RAB38: variants seen among roughly 807,000 people sequenced by gnomAD.
RAB38 encodes ras-related protein Rab-38.
A neutral mutation model predicts 18.4 loss-of-function variants in RAB38; 15 were observed. The ratio of observed to expected loss-of-function variants is 0.82; its 90% confidence interval spans 0.55 to 1.26. The LOEUF (loss-of-function observed/expected upper bound fraction) is 1.26. Ranked by LOEUF, RAB38 falls within the 50% of genes most tolerant of loss-of-function variation. The pLI is 0.00. For missense variants in RAB38, 294 were observed against 267.4 expected (o/e 1.10, Z -0.69); for synonymous variants, 101 against 104.4 (o/e 0.97, Z 0.20).
chr11:87,868,024 T>C, the RAB38 span, among the ~76,000 whole-genome samples: 4 of 151,754 alleles, frequency 2.6e-5, no homozygotes, highest in African/African-American at 7.2e-5. Context: ...TCAAGATTGA[T>C]ACATGGAAAT....
the RAB38 span, among the ~76,000 whole-genome samples, chr11:87,808,032 C>CATA: frequency 1.3e-5 from 2 of 152,168 alleles, no homozygotes; most frequent in Admixed American, 6.5e-5. Context: ...ACAGAGTGTA[C>CATA]ATATACCTCC....
Position 88,114,209 on chromosome 11 carries a change from T to TGA in RAB38, c.484-70_484-69insTC. Reference sequence around the variant, plus strand: ...GAAATAATGCTAGAGCAGAGACTTATATGTGACAATTCATTTAAATATTCC... The same window carrying TGA: ...GAAATAATGCTAGAGCAGAGACTTATGAATGTGACAATTCATTTAAATATTCC... On this transcript the variant is annotated intron_variant, in intron 2 of 2. Transcript: ENST00000243662. 10 of 1,506,602 alleles carry TGA rather than the reference T, an allele frequency of 6.6e-6. 1 individual carries two copies. The South Asian group carries it at 1.2e-4, about 17-fold the overall frequency. The allele number at this position is 1,506,602 out of a possible 1,614,324, so 93.3% of individuals were successfully genotyped here.
the RAB38 span, among the ~76,000 whole-genome samples, chr11:88,047,001 A>C: frequency 6.6e-6 from 1 of 152,122 alleles, no homozygotes; most frequent in African/African-American, 2.4e-5. Context: ...TCCTAGGCAA[A>C]ACTTGACCTT....
chr11:87,851,649 A>G, the RAB38 span, among the ~76,000 whole-genome samples: 2 of 151,868 alleles, frequency 1.3e-5, no homozygotes, highest in African/African-American at 2.4e-5. Context: ...GAGGGAGGGT[A>G]GTTTCCACTT....
the RAB38 span, among the ~76,000 whole-genome samples, chr11:88,059,221 A>G: frequency 2.6e-5 from 4 of 152,258 alleles, no homozygotes; most frequent in African/African-American, 9.6e-5. Context: ...GGAAGCGGCA[A>G]GCATTCAATA....
chr11:88,145,253 G>A (rs1442387226), intron 2 of RAB38, among the ~76,000 whole-genome samples: 1 of 151,842 alleles, frequency 6.6e-6, no homozygotes, highest in Non-Finnish European at 1.5e-5. Flanking sequence ...AGGTTCAAGC[G>A]ATTCTCCTAC....
chr11:87,956,988 G>C, the RAB38 span, among the ~76,000 whole-genome samples: 3 of 151,540 alleles, frequency 2.0e-5, no homozygotes, highest in African/African-American at 7.2e-5. Flanking sequence ...TTTTTTGGGG[G>C]GGGGTCCTTG....
the RAB38 span, among the ~76,000 whole-genome samples, chr11:87,849,072 A>G: frequency 6.6e-6 from 1 of 152,086 alleles, no homozygotes; most frequent in Admixed American, 6.6e-5. Flanking sequence ...AAACAGTACT[A>G]TGGATTCCTC....
At chr11:88,081,858 C>T in the RAB38 span, among the ~76,000 whole-genome samples, 2 of 151,976 alleles carry the variant, frequency 1.3e-5, no homozygotes, top group East Asian at 3.9e-4. Flanking sequence ...TCTGGAAAAG[C>T]CCAATATCCT....
the RAB38 span, among the ~76,000 whole-genome samples, chr11:87,921,297 G>C: frequency 6.6e-6 from 1 of 151,834 alleles, no homozygotes; most frequent in African/African-American, 2.4e-5. Context: ...TGTTCCTGGG[G>C]AGTGGCAATA....
the RAB38 span, among the ~76,000 whole-genome samples, chr11:87,936,917 G>A: frequency 2.0e-5 from 3 of 151,918 alleles, no homozygotes; most frequent in African/African-American, 7.2e-5. Context: ...ATACAACCAT[G>A]CCATTTGCAT....
chr11:88,173,822 C>A, intron 1 of RAB38: 1 of 985,408 alleles, frequency 1.0e-6, no homozygotes, highest in Non-Finnish European at 1.2e-6. Flanking sequence ...ATGCATGAAT[C>A]TGTTCATCTG....
the RAB38 span, among the ~76,000 whole-genome samples, chr11:87,864,095 T>C: frequency 6.6e-6 from 1 of 151,650 alleles, no homozygotes; most frequent in Non-Finnish European, 1.5e-5. Flanking sequence ...GAGTAACTCT[T>C]GCTCCAAAGA....
At chr11:87,965,384 A>G in the RAB38 span, among the ~76,000 whole-genome samples, 3 of 152,128 alleles carry the variant, frequency 2.0e-5, no homozygotes, top group African/African-American at 7.2e-5. Context: ...GCCTTTCATA[A>G]AAAGGGAACA....
the RAB38 span, among the ~76,000 whole-genome samples, chr11:88,026,419 T>G: frequency 6.6e-6 from 1 of 150,872 alleles, no homozygotes; most frequent in African/African-American, 2.4e-5. Flanking sequence ...AAAAATTAGC[T>G]GGGCGTGGTG....
At chr11:88,113,197 G>GA (rs3079613), downstream of RAB38, 9,655 of 141,034 alleles carry the variant, frequency 0.068, 456 homozygotes, top group African/African-American at 0.14. Context: ...TACTTTGTCC[G>GA]AAAAAAAAAA....
chr11:87,942,744 A>C, the RAB38 span, among the ~76,000 whole-genome samples: 2 of 152,196 alleles, frequency 1.3e-5, no homozygotes, highest in African/African-American at 4.8e-5. Context: ...ACTGCTGAAG[A>C]TAACAGGACG....
chr11:87,887,445 A>G, the RAB38 span, among the ~76,000 whole-genome samples: 1 of 84,882 alleles, frequency 1.2e-5, no homozygotes. Context: ...AGTGCAGAAA[A>G]TATTTGAAAA....
chr11:88,103,561 G>C, the RAB38 span, among the ~76,000 whole-genome samples: 1 of 152,072 alleles, frequency 6.6e-6, no homozygotes, highest in Non-Finnish European at 1.5e-5. Flanking sequence ...TAGCTTTATA[G>C]AGTCACCTGA....
Sources: gnomAD v4.1 joint callset for allele counts (sites outside exome capture counted in the v4.1 genomes callset) on GRCh38, gnomAD v4.1.1 for gene constraint, MANE v1.5 for transcripts, NCBI Gene and HGNC (gene_info 2026-07-23, HGNC 2026-07-21) for gene names.